Variants in KCNN1 observed in about 807,000 individuals in gnomAD.
KCNN1 encodes potassium calcium-activated channel subfamily N member 1.
Under a neutral mutation model 44.7 loss-of-function variants are expected in KCNN1, and 20 were observed. The observed-to-expected ratio is 0.45, with a 90% CI of 0.32 to 0.65. The LOEUF is 0.65. Among genes scored for constraint, KCNN1 ranks in the 30% least tolerant of loss-of-function variants. The pLI, the probability that KCNN1 is intolerant of heterozygous loss-of-function variation, is 0.05. For synonymous variants in KCNN1, 324 were observed against 341.7 expected (o/e 0.95, Z 0.57); for missense variants, 632 against 785.3 (o/e 0.80, Z 2.33).
rs769306656 is a variant in KCNN1 at position 17,974,096 on chromosome 19, G to A, written c.208G>A (p.Glu70Lys). ...GCAGCCCCAGGACCAGGACGATGACGAGGATGATGAGGAAGATGAGGCCGG... is the reference window on the plus strand; with the variant it reads ...GCAGCCCCAGGACCAGGACGATGACAAGGATGATGAGGAAGATGAGGCCGG... ...RGQPQDQDDD[E>K]DDEEDEAGRQ... Residue 70 changes from glutamate (E) to lysine (K), a missense_variant, in exon 2 of 10, where the codon GAG (glutamate) becomes AAG (lysine). By Grantham distance (56) the Glu-to-Lys change is moderately conservative. Around this residue, in one of 3 missense-constraint regions of KCNN1, gnomAD observed 235 missense variants for 224.0 expected, o/e 1.05. Transcript: ENST00000684775. This position sits in a 1 kb window ranked among gnomAD's most constrained non-coding sequence, Gnocchi z 7.3. 1.2e-5 allele frequency: 20 copies of A among 1,612,004 alleles called. No individual in the cohort carries two copies. Among genetic ancestry groups the A allele is most frequent in the Non-Finnish European group, 1.6e-5 (19 of 1,179,826 alleles).
chr19:17,993,083 T>G lies in KCNN1; in HGVS notation c.1307+21T>G, dbSNP rs750772116. On this transcript the variant is annotated intron_variant, in intron 8 of 9. Transcript: ENST00000684775. This position sits in a 1 kb window ranked among gnomAD's most constrained non-coding sequence, Gnocchi z 4.5. Reference sequence around the variant, plus strand: ...CAGAAGTAAGTGTTCTCCCAGGGGCTTGGTGGGGCTGGGAAATCGGGGGTG... The same window carrying G: ...CAGAAGTAAGTGTTCTCCCAGGGGCGTGGTGGGGCTGGGAAATCGGGGGTG... 3.8e-5 allele frequency: 61 copies of G among 1,613,494 alleles called. No individual in the cohort carries two copies. The highest frequency in any genetic ancestry group is 5.0e-5 in the Non-Finnish European group (59 of 1,179,774).
At chr19:17,992,215 C>T (rs1042691898) in intron 7 of KCNN1, among the ~76,000 whole-genome samples, 3 of 150,482 alleles carry the variant, frequency 2.0e-5, no homozygotes, top group East Asian at 2.0e-4. Context: ...CCCAGCTACT[C>T]GGAAGGCTGA....
rs1396887856 is a variant in KCNN1, at chr19:17,998,336, G to A, written c.1562G>A (p.Gly521Asp). Residue 521 changes from glycine (G) to aspartate (D), a missense_variant, in exon 10 of 10, where the codon GGC becomes GAC. Gly to Asp is a moderately conservative substitution (Grantham distance 94). Transcript: ENST00000684775. This position sits in a 1 kb window ranked among gnomAD's most constrained non-coding sequence, Gnocchi z 5.4. ...PPPLPPRPGP[G>D]PQDQAARSSP... ...CCCCTGCCTCCCAGGCCCGGCCCCG[G>A]CCCCCAAGACCAGGCAGCCCGGAGC... 26 of 1,531,046 alleles carry A rather than the reference G, an allele frequency of 1.7e-5. No individual in the cohort carries two copies. Among genetic ancestry groups the A allele is most frequent in the Non-Finnish European group, 2.2e-5 (25 of 1,144,250 alleles). The allele number at this position is 1,531,046 out of a possible 1,614,324, so 94.8% of individuals were successfully genotyped here.
At chr19:17,953,327 G>T (rs550250240) in intron 1 of KCNN1, among the ~76,000 whole-genome samples, 1 of 152,182 alleles carries the variant, frequency 6.6e-6, no homozygotes, top group African/African-American at 2.4e-5. Context: ...CTTGGACAAG[G>T]CCCTGCCCTC....
chr19:17,977,456 C>T (rs1209036138), intron 3 of KCNN1, among the ~76,000 whole-genome samples: 3 of 151,916 alleles, frequency 2.0e-5, no homozygotes, highest in Non-Finnish European at 4.4e-5. Flanking sequence ...GTCCTCCCAC[C>T]TCAGCCCCCA....
chr19:17,997,976 C>T (rs1049825021), intron 9 of KCNN1, among the ~76,000 whole-genome samples, 176 bp from the exon 10 acceptor site: 3 of 151,988 alleles, frequency 2.0e-5, no homozygotes, highest in Admixed American at 2.0e-4. Flanking sequence ...CTGGGCCCAG[C>T]AAGGGACCTC....
At position 17,974,273 on chromosome 19, in the gene KCNN1, T is replaced by C. The variant is rs960726556; in HGVS notation, c.385T>C (p.Trp129Arg). 1.9e-6 allele frequency: 3 copies of C among 1,580,128 alleles called. No homozygotes were observed. Among genetic ancestry groups the C allele is most frequent in the Middle Eastern group, 1.7e-4 (1 of 5,926 alleles). ...VVMVTETELS[W>R]GVYTKESLYS... Reference sequence around the variant, plus strand: ...CATGGTGACGGAGACCGAGCTGTCCTGGGGGGTGTACACCAAGGTAGGCGT... The same window carrying C: ...CATGGTGACGGAGACCGAGCTGTCCCGGGGGGTGTACACCAAGGTAGGCGT... The change falls in exon 2 of 10, where the codon TGG becomes CGG. Residue 129 changes from tryptophan (W) to arginine (R), a missense_variant. By Grantham distance (101) the Trp-to-Arg change is moderately radical. Coordinates refer to ENST00000684775, the MANE Select transcript of KCNN1 (RefSeq NM_001386974.1). The surrounding 1 kb of genome is among the most constrained non-coding windows in gnomAD (Gnocchi z 7.3).
chr19:17,988,384 C>A (rs770817357), intron 5 of KCNN1, 31 bp from the exon 6 acceptor site: 4 of 1,571,070 alleles, frequency 2.5e-6, no homozygotes, highest in Non-Finnish European at 3.5e-6. Flanking sequence ...CAAGACAGGA[C>A]GCTGATGTGC....
chr19:17,972,432 A>G (rs2032054520), intron 1 of KCNN1, among the ~76,000 whole-genome samples: 1 of 152,204 alleles, frequency 6.6e-6, no homozygotes, highest in South Asian at 2.1e-4. Flanking sequence ...CCTGGCAGGG[A>G]AACAGGCTAG....
chr19:17,973,159 G>A (rs535553873), intron 1 of KCNN1, among the ~76,000 whole-genome samples: 62 of 152,228 alleles, frequency 4.1e-4, no homozygotes, highest in African/African-American at 1.4e-3. Flanking sequence ...TTTAGAGATC[G>A]GCTCTAGTTA....
chr19:17,969,472 TGTG>T (rs2072575393), intron 1 of KCNN1, among the ~76,000 whole-genome samples: 1 of 152,120 alleles, frequency 6.6e-6, no homozygotes, highest in Non-Finnish European at 1.5e-5. Context: ...TCCACAGTAA[TGTG>T]GTGGGTGCCG....
In KCNN1 at chr19:17,998,328, C is replaced by T. The variant is rs1056441333; in HGVS notation, c.1554C>T (p.Pro518=). The T allele has an allele frequency of 1.0e-5, 16 of 1,533,570 alleles. No individual in the cohort carries two copies. The highest frequency in any genetic ancestry group is 4.9e-5 in the East Asian group (2 of 41,226). 95.0% of individuals were successfully genotyped at this position (1,533,570 alleles called of 1,614,324 possible). The change falls in exon 10 of 10, where the codon CCC becomes CCT. Residue 518 remains proline, a synonymous_variant. Coordinates refer to ENST00000684775, the MANE Select transcript of KCNN1 (RefSeq NM_001386974.1). The surrounding 1 kb of genome is among the most constrained non-coding windows in gnomAD (Gnocchi z 5.4). ...CCCCGCCTCCCCTGCCTCCCAGGCCCGGCCCCGGCCCCCAAGACCAGGCAG... is the reference window on the plus strand; with the variant it reads ...CCCCGCCTCCCCTGCCTCCCAGGCCTGGCCCCGGCCCCCAAGACCAGGCAG... ...RPPPPPLPPR[P]GPGPQDQAAR... is the part of the protein sequence containing the mutation.
rs2032110207 is a variant in KCNN1 at position 17,973,895 on chromosome 19, A to G, written c.7A>G (p.Ser3Gly). Residue 3 changes from serine to glycine, a missense_variant, in exon 2 of 10, where the codon AGC becomes GGC. Ser to Gly is a moderately conservative substitution (Grantham distance 56). This residue lies in a region of KCNN1 where 235 missense variants were observed against 224.0 expected (regional missense o/e 1.05). Transcript: ENST00000684775. ...CCCCTGCACCCAGGTAGTCATGAACAGCCACAGCTACAATGGCAGCGTGGG... is the reference window on the plus strand; with the variant it reads ...CCCCTGCACCCAGGTAGTCATGAACGGCCACAGCTACAATGGCAGCGTGGG... MN[S>G]HSYNGSVGRP... The G allele has an allele frequency of 2.6e-6, 4 of 1,552,408 alleles. No individual in the cohort carries two copies. In the South Asian group the frequency reaches 3.5e-5, roughly 14 times the overall value.
intron 4 of KCNN1, 134 bp downstream of exon 4, chr19:17,982,261 C>A: frequency 1.3e-6 from 1 of 769,950 alleles, no homozygotes; most frequent in Non-Finnish European, 2.0e-6. Context: ...GACTGCAAGA[C>A]ACCCGTGGTG....
chr19:17,967,355 G>A (rs954963670), intron 1 of KCNN1, 38 bp downstream of exon 1: 24 of 975,300 alleles, frequency 2.5e-5, no homozygotes, highest in Admixed American at 1.2e-4. Context: ...GGAGGATCCA[G>A]GATCTGCAGC....
chr19:17,955,438 G>A (rs1244570546), intron 2 of KCNN1, among the ~76,000 whole-genome samples: 1 of 150,668 alleles, frequency 6.6e-6, no homozygotes, highest in East Asian at 2.0e-4. Context: ...CTGCATGCCT[G>A]TAATCCCAGC....
chr19:17,997,511 T>G (rs939567476), intron 9 of KCNN1, among the ~76,000 whole-genome samples: 3 of 152,216 alleles, frequency 2.0e-5, no homozygotes, highest in Admixed American at 6.5e-5. Flanking sequence ...TTGCTTGCTT[T>G]CTTTTTCTTG....
chr19:17,981,613 C>A, intron 3 of KCNN1, 96 bp from the exon 4 acceptor site: 2 of 1,068,678 alleles, frequency 1.9e-6, no homozygotes, highest in Admixed American at 3.0e-5. Flanking sequence ...GGGTTTCAGG[C>A]CAGGCTGACG....
At chr19:17,956,477 T>G (rs1030513525) in intron 2 of KCNN1, among the ~76,000 whole-genome samples, 4 of 152,164 alleles carry the variant, frequency 2.6e-5, no homozygotes, top group Non-Finnish European at 4.4e-5. Flanking sequence ...ATACAGTGGC[T>G]GATGCCTGTG....
Sources: gnomAD v4.1 joint callset for allele counts (sites outside exome capture counted in the v4.1 genomes callset) on GRCh38, gnomAD v4.1.1 for gene constraint, gnomAD v4.1.1 regional missense constraint, Gnocchi (gnomAD v3.1) non-coding constraint, MANE v1.5 for transcripts, NCBI Gene and HGNC (gene_info 2026-07-23, HGNC 2026-07-21) for gene names.